The following VWDE variants were observed in gnomAD, a reference collection of about 807,000 sequenced individuals.
VWDE encodes the protein von Willebrand factor D and EGF domain-containing protein.
In VWDE, 207 loss-of-function variants were observed where a neutral mutation model predicts 178.4. The ratio of observed to expected loss-of-function variants is 1.16; its 90% CI spans 1.04 to 1.30. The LOEUF is 1.30. Among genes scored for constraint, VWDE ranks in the 50% most tolerant of loss-of-function variants. The pLI is 0.00. For synonymous variants in VWDE, 738 were observed against 651.4 expected (o/e 1.13, Z -2.02); for missense variants, 2,287 against 1,901.3 (o/e 1.20, Z -3.77).
At position 12,367,481 on chromosome 7, in the gene VWDE, T is replaced by C. The variant is rs947531754; in HGVS notation, c.2774A>G (p.Glu925Gly). The change falls in exon 13 of 29, where the codon GAA becomes GGA. Residue 925 changes from glutamate (E) to glycine (G), a missense_variant. Glu to Gly is a moderately conservative substitution (Grantham distance 98, BLOSUM62 -2). Coordinates refer to ENST00000275358, the MANE Select transcript of VWDE (RefSeq NM_001135924.3). ...DCSDSYDKAP[E>G]ITELGNAGFC... Reference sequence around the variant, plus strand: ...TCCAGCATTCCCAAGCTCTGTAATTTCAGGAGCTTTGTCTTTGGAAAAAAA... The same window carrying C: ...TCCAGCATTCCCAAGCTCTGTAATTCCAGGAGCTTTGTCTTTGGAAAAAAA... 6.6e-7 allele frequency: 1 copy of C among 1,513,700 alleles called. No homozygotes were observed. Among genetic ancestry groups the C allele is most frequent in the Non-Finnish European group, 8.8e-7 (1 of 1,131,014 alleles). The allele number at this position is 1,513,700 out of a possible 1,614,324, so 93.8% of individuals were successfully genotyped here. A position where few individuals can be genotyped will look rare whatever the true frequency, so the allele number is the denominator to read the frequency against.
Position 12,340,919 on chromosome 7 carries a change from T to A in VWDE, c.4271-502A>T, listed in dbSNP as rs1327806192. Reference sequence around the variant, plus strand: ...CAAGTCCTAGCACACTCAAAAACATTCTTTGTTTTTGCTTCTTTATTTTTG... The same window carrying A: ...CAAGTCCTAGCACACTCAAAAACATACTTTGTTTTTGCTTCTTTATTTTTG... On this transcript the variant is annotated intron_variant, in intron 23 of 28. Transcript: ENST00000275358. Among the ~76,000 whole-genome samples the A allele has an allele frequency of 2.0e-5, 3 of 152,272 alleles. No homozygotes were observed. The East Asian group carries it at 5.8e-4, about 29-fold the overall frequency.
chr7:12,340,842 AGCC>A (rs1475311001), intron 23 of VWDE, among the ~76,000 whole-genome samples: 2 of 152,218 alleles, frequency 1.3e-5, no homozygotes, highest in African/African-American at 4.8e-5. Context: ...AAATACATGT[AGCC>A]ATGCACACCT....
intron 3 of VWDE, among the ~76,000 whole-genome samples, chr7:12,387,341 G>C (rs965758894): frequency 3.9e-5 from 6 of 151,908 alleles, no homozygotes; most frequent in African/African-American, 1.4e-4. Context: ...TATGAAAAAA[G>C]ATTGCATTAC....
At position 12,370,484 on chromosome 7, in the gene VWDE, C is replaced by T. The variant is rs1351805509; in HGVS notation, c.1822G>A (p.Asp608Asn). Residue 608 changes from aspartate (D) to asparagine (N), a missense_variant, in exon 12 of 29, where the codon GAC becomes AAC. Asp to Asn is a conservative substitution (Grantham distance 23). Transcript: ENST00000275358. Reference sequence around the variant, plus strand: ...GATGTCATAGAAACTGGCAGTGTGTCAGACATGCTTTTTCCTGGTAAAATC... The same window carrying T: ...GATGTCATAGAAACTGGCAGTGTGTTAGACATGCTTTTTCCTGGTAAAATC... ...WRILPGKSMS[D>N]TLPVSMTSPG... 6.5e-7 allele frequency: 1 copy of T among 1,540,624 alleles called. No homozygotes were observed. Among genetic ancestry groups the T allele is most frequent in the Non-Finnish European group, 8.7e-7 (1 of 1,145,640 alleles).
At chr7:12,335,298 A>G (rs1425612257) in intron 27 of VWDE, among the ~76,000 whole-genome samples, 3 of 152,166 alleles carry the variant, frequency 2.0e-5, no homozygotes, top group African/African-American at 7.2e-5. Flanking sequence ...TCCACAAAAA[A>G]TTTCAAAATT....
intron 4 of VWDE, 30 bp from the exon 5 acceptor site, chr7:12,380,763 G>A: frequency 6.5e-7 from 1 of 1,549,176 alleles, no homozygotes; most frequent in South Asian, 1.2e-5. Context: ...TTTGTAACTG[G>A]GAATCTTAGA....
intron 5 of VWDE, among the ~76,000 whole-genome samples, chr7:12,380,223 A>C (rs537036889): frequency 1.3e-5 from 2 of 151,466 alleles, no homozygotes; most frequent in Non-Finnish European, 2.9e-5. Flanking sequence ...AAGAACTTAA[A>C]GTATAATAAA....
Position 12,331,117 on chromosome 7 carries a change from A to T in VWDE, c.*66T>A. The T allele has an allele frequency of 4.3e-6, 6 of 1,405,896 alleles. No individual in the cohort carries two copies. The highest frequency in any genetic ancestry group is 5.8e-6 in the Non-Finnish European group (6 of 1,038,148). 87.1% of individuals were successfully genotyped at this position (1,405,896 alleles called of 1,614,324 possible). A position where few individuals can be genotyped will look rare whatever the true frequency, so the allele number is the denominator to read the frequency against. On this transcript the variant is annotated 3_prime_UTR_variant, in exon 29 of 29. Coordinates refer to ENST00000275358, the MANE Select transcript of VWDE (RefSeq NM_001135924.3). The stretch of plus-strand genomic sequence containing the variant: ...TCAAATAAACTCCAAGTTATCTCCA[A>T]CTTTTTCTGAACAAAATATTTCCAT...
rs79222040 is a variant in VWDE at position 12,336,140 on chromosome 7, C to G, written c.4654+1G>C. 6.5e-7 allele frequency: 1 copy of G among 1,549,258 alleles called. No individual in the cohort carries two copies. Among genetic ancestry groups the G allele is most frequent in the Non-Finnish European group, 8.7e-7 (1 of 1,145,834 alleles). ...GTAGGAAAAACATCCTGTGGGCTTACGTATTTGACACCGCACTCCTTCCCA... is the reference window on the plus strand; with the variant it reads ...GTAGGAAAAACATCCTGTGGGCTTAGGTATTTGACACCGCACTCCTTCCCA... On this transcript the variant is annotated splice_donor_variant, in intron 27 of 28. Transcript: ENST00000275358. LOFTEE classifies it high-confidence loss of function.
At chr7:12,374,201 T>C (rs769316917) in intron 9 of VWDE, among the ~76,000 whole-genome samples, 1 of 152,138 alleles carries the variant, frequency 6.6e-6, no homozygotes, top group African/African-American at 2.4e-5. Context: ...TTTTGCCTAT[T>C]TTACTTTAAA....
At chr7:12,386,861 C>T (rs2128560244) in intron 3 of VWDE, among the ~76,000 whole-genome samples, 1 of 152,180 alleles carries the variant, frequency 6.6e-6, no homozygotes, top group South Asian at 2.1e-4. Flanking sequence ...TTTGGTCACC[C>T]CTCTGTACTA....
chr7:12,398,179 T>C (rs747326225), intron 1 of VWDE, among the ~76,000 whole-genome samples: 4 of 152,120 alleles, frequency 2.6e-5, no homozygotes, highest in Non-Finnish European at 4.4e-5. Context: ...CAACAGTAGA[T>C]TGGATAAAGA....
intron 1 of VWDE, among the ~76,000 whole-genome samples, chr7:12,401,474 T>C (rs1289851721): frequency 6.6e-6 from 1 of 152,200 alleles, no homozygotes; most frequent in Non-Finnish European, 1.5e-5. Context: ...AGTACTCATT[T>C]TTTAAAATGG....
rs183742987 is a variant in VWDE at position 12,376,233 on chromosome 7, A to G, written c.1025-1006T>C. Among the ~76,000 whole-genome samples, 3 of 152,200 alleles carry G rather than the reference A, an allele frequency of 2.0e-5. No homozygotes were observed. In the East Asian group the frequency reaches 5.8e-4, roughly 29 times the overall value. On this transcript the variant is annotated intron_variant, in intron 7 of 28. Coordinates refer to ENST00000275358, the MANE Select transcript of VWDE (RefSeq NM_001135924.3). ...CCCATAACATCCATTCCTCAAGCCA[A>G]TACATGAGGGGTTGTTCTCTTTAAG...
In VWDE at chr7:12,333,463, A is replaced by G; in HGVS notation, c.4758+2T>C. On this transcript the variant is annotated splice_donor_variant, in intron 28 of 28. Transcript: ENST00000275358. LOFTEE classifies it high-confidence loss of function. ...TTATTTTCTCTTTAAACTCTGAAAT[A>G]CCTGTATTTTCTTCTCACATTTGAC... The G allele has an allele frequency of 1.3e-6, 2 of 1,528,080 alleles. No homozygotes were observed. Among genetic ancestry groups the G allele is most frequent in the African/African-American group, 1.4e-5 (1 of 72,458 alleles). The allele number at this position is 1,528,080 out of a possible 1,614,324, so 94.7% of individuals were successfully genotyped here.
intron 3 of VWDE, among the ~76,000 whole-genome samples, chr7:12,384,150 G>A (rs1182832041): frequency 6.6e-6 from 1 of 152,110 alleles, no homozygotes; most frequent in Non-Finnish European, 1.5e-5. Context: ...CATATAGACA[G>A]CATGGAATAT....
chr7:12,341,123 T>C (rs73292400), intron 23 of VWDE, among the ~76,000 whole-genome samples: 2,833 of 152,306 alleles, frequency 0.019, 83 homozygotes, highest in African/African-American at 0.064. Context: ...ACTTGTATCA[T>C]AGTCTTTTTT....
In VWDE at chr7:12,380,652, C is replaced by G; in HGVS notation, c.623G>C (p.Cys208Ser). 6.4e-7 allele frequency: 1 copy of G among 1,552,176 alleles called. No individual in the cohort carries two copies. Among genetic ancestry groups the G allele is most frequent in the Non-Finnish European group, 8.7e-7 (1 of 1,147,116 alleles). The change falls in exon 5 of 29, where the codon TGT becomes TCT. Residue 208 changes from cysteine to serine, a missense_variant. Transcript: ENST00000275358. The part of the protein sequence containing the change: ...LVELIESRLF[C>S]RCSFDVPATK... ...AGCGGGAACATCAAAAGAACACCTA[C>G]AGAAAAGCCTGGACTCAATCAACTC...
In VWDE at chr7:12,356,097, G is replaced by A. The variant is rs1323261812; in HGVS notation, c.3745+14C>T. On this transcript the variant is annotated intron_variant, in intron 18 of 28. Coordinates refer to ENST00000275358, the MANE Select transcript of VWDE (RefSeq NM_001135924.3). ...GCTTTTCTTTCTAATTTGTTATGAG[G>A]AGCAAAATCTTACCTTTGAGCTCAG... The A allele has an allele frequency of 3.2e-6, 5 of 1,548,044 alleles. No individual in the cohort carries two copies. The highest frequency in any genetic ancestry group is 2.4e-5 in the East Asian group (1 of 40,902).
Sources: allele counts gnomAD v4.1 joint callset (sites outside exome capture counted in the v4.1 genomes callset), GRCh38; gene constraint gnomAD v4.1.1; transcripts MANE v1.5; gene names NCBI Gene and HGNC (gene_info 2026-07-23, HGNC 2026-07-21).